The following CASK variants were observed in gnomAD, a reference collection of about 807,000 sequenced individuals.
CASK encodes the protein calcium/calmodulin dependent serine protein kinase.
CASK carries 4 observed loss-of-function variants against 82.9 expected under a neutral mutation model. The observed-to-expected ratio is 0.05, with a 90% CI of 0.02 to 0.11. CASK has a LOEUF of 0.11. Among genes scored for constraint, CASK ranks in the 10% least tolerant of loss-of-function variants. The pLI, the probability that CASK is intolerant of heterozygous loss-of-function variation, is 1.00. For missense variants in CASK, 358 were observed against 720.9 expected (o/e 0.50, Z 5.76); for synonymous variants, 259 against 253.5 (o/e 1.02, Z -0.20).
chrX:41,627,959 G>A (rs1192499463), intron 9 of CASK, among the ~76,000 whole-genome samples: 4 of 111,723 alleles, frequency 3.6e-5, no homozygotes, highest in East Asian at 5.7e-4. Context: ...AGCCGAGATC[G>A]TGCCATTGCA....
chrX:41,635,665 C>T (rs1324615239), intron 9 of CASK: 2 of 108,241 alleles, frequency 1.8e-5, no homozygotes, highest in Non-Finnish European at 3.8e-5. Flanking sequence ...GTCAAATGGA[C>T]TCCCCATATG....
rs1045777095 is a variant in CASK at position 41,879,265 on chromosome X, C to T, written c.60-26038G>A. Reference sequence around the variant, plus strand: ...TACAGCAGTCCCCTACCCTTATCCACGTGGGATACATGCCAAGACCCCCAG... The same window carrying T: ...TACAGCAGTCCCCTACCCTTATCCATGTGGGATACATGCCAAGACCCCCAG... On this transcript the variant is annotated intron_variant, in intron 1 of 26. Coordinates refer to ENST00000378163, the MANE Select transcript of CASK (RefSeq NM_001367721.1). Among the ~76,000 whole-genome samples, 4 of 111,413 alleles carry T rather than the reference C, an allele frequency of 3.6e-5. No individual in the cohort carries two copies. In the Admixed American group the frequency reaches 3.8e-4, roughly 11 times the overall value.
chrX:41,761,391 A>G (rs922096657), intron 3 of CASK, among the ~76,000 whole-genome samples: 6 of 111,606 alleles, frequency 5.4e-5, no homozygotes, highest in Non-Finnish European at 1.1e-4. Context: ...GTGAAGGATG[A>G]ATCTGGAAAA....
intron 2 of CASK, among the ~76,000 whole-genome samples, chrX:41,801,914 G>C (rs928520359): frequency 1.8e-5 from 2 of 110,837 alleles, no homozygotes; most frequent in Admixed American, 1.9e-4. Context: ...ATGCCCCTAC[G>C]TACCCTTTCT....
intron 5 of CASK, among the ~76,000 whole-genome samples, chrX:41,672,409 T>C (rs993976960): frequency 9.9e-5 from 11 of 110,961 alleles, no homozygotes; most frequent in Admixed American, 1.9e-4. Context: ...TTAAACACTG[T>C]CCTCCCCAAT....
chrX:41,775,220 C>T (rs1292168389), intron 3 of CASK, among the ~76,000 whole-genome samples: 62 of 110,227 alleles, frequency 5.6e-4, no homozygotes, highest in African/African-American at 1.5e-3. Context: ...AAAAAGTGGG[C>T]AAAGGACATG....
intron 2 of CASK, among the ~76,000 whole-genome samples, chrX:41,787,744 T>C (rs1286274935): frequency 9.0e-6 from 1 of 111,647 alleles, no homozygotes; most frequent in Non-Finnish European, 1.9e-5. Flanking sequence ...GCCTAAAATC[T>C]AGCATTTATA....
chrX:41,600,886 T>C (rs1602327429), intron 12 of CASK, among the ~76,000 whole-genome samples: 1 of 112,161 alleles, frequency 8.9e-6, no homozygotes. Flanking sequence ...CAAAATGTAC[T>C]ATACACACAC....
chrX:41,912,820 A>T (rs955986951), intron 1 of CASK, among the ~76,000 whole-genome samples: 9 of 100,078 alleles, frequency 9.0e-5, no homozygotes, highest in East Asian at 2.9e-4. Flanking sequence ...AATATATATA[A>T]AAATATATAT....
chrX:41,757,613 T>G (rs181448019), intron 3 of CASK, among the ~76,000 whole-genome samples: 7 of 112,523 alleles, frequency 6.2e-5, no homozygotes, highest in African/African-American at 2.3e-4. Flanking sequence ...CACTGTAACC[T>G]TGAAGTCCCA....
chrX:41,832,389 A>G (rs1237450942), intron 2 of CASK, among the ~76,000 whole-genome samples: 1 of 112,178 alleles, frequency 8.9e-6, no homozygotes, highest in Non-Finnish European at 1.9e-5. Flanking sequence ...TGCATGTGGT[A>G]GAATAAGACA....
intron 5 of CASK, among the ~76,000 whole-genome samples, chrX:41,707,336 A>T (rs2067902362): frequency 9.0e-6 from 1 of 111,625 alleles, no homozygotes; most frequent in African/African-American, 3.3e-5. Context: ...AGCCTGCTCA[A>T]CTCTTCCAGG....
intron 2 of CASK, among the ~76,000 whole-genome samples, chrX:41,834,708 G>A (rs901394213): frequency 1.3e-4 from 15 of 111,558 alleles, no homozygotes; most frequent in African/African-American, 2.3e-4. Context: ...TCCCCCTTGC[G>A]ATAATTCTTT....
chrX:41,826,697 G>A (rs746107440), intron 2 of CASK, among the ~76,000 whole-genome samples: 41 of 111,473 alleles, frequency 3.7e-4, no homozygotes, highest in African/African-American at 1.1e-3. Flanking sequence ...GGCTGGTCTC[G>A]AACTCCTGAC....
chrX:41,562,115 T>C (rs2065237010), intron 16 of CASK: 1 of 115,733 alleles, frequency 8.6e-6, no homozygotes, highest in African/African-American at 3.2e-5. Context: ...GAACTGTTCT[T>C]GGCACATACC....
chrX:41,885,846 A>T (rs1157245956), intron 1 of CASK, among the ~76,000 whole-genome samples: 1 of 111,979 alleles, frequency 8.9e-6, no homozygotes, highest in Non-Finnish European at 1.9e-5. Context: ...TAGAAGAAAT[A>T]CCACCATTCA....
intron 5 of CASK, among the ~76,000 whole-genome samples, chrX:41,680,890 G>A (rs1251479198): frequency 9.0e-6 from 1 of 110,742 alleles, no homozygotes; most frequent in East Asian, 2.8e-4. Context: ...ACTCCAGCCT[G>A]GGCAACAAGA....
In CASK at chrX:41,520,315, T is replaced by A; in HGVS notation, c.*105A>T. ...TTATAAATGTAGGTCACACTACAAC[T>A]AGGTAGTCTCTAGGGACCATGACCT... is the stretch of plus-strand genomic sequence containing the variant. On this transcript the variant is annotated 3_prime_UTR_variant, in exon 27 of 27. Transcript: ENST00000378163. 1.8e-6 allele frequency: 1 copy of A among 542,878 alleles called. No individual in the cohort carries two copies. Among genetic ancestry groups the A allele is most frequent in the South Asian group, 2.9e-5 (1 of 34,424 alleles). 44.7% of individuals were successfully genotyped at this position (542,878 alleles called of 1,213,427 possible).
At chrX:41,660,830 T>C (rs1165221484) in intron 7 of CASK, among the ~76,000 whole-genome samples, 2 of 112,314 alleles carry the variant, frequency 1.8e-5, no homozygotes, top group Non-Finnish European at 3.8e-5. Context: ...GACTAGAATG[T>C]TCATTATTCC....
Sources: allele counts gnomAD v4.1 joint callset (sites outside exome capture counted in the v4.1 genomes callset), GRCh38; gene constraint gnomAD v4.1.1; transcripts MANE v1.5; gene names NCBI Gene and HGNC (gene_info 2026-07-23, HGNC 2026-07-21).